Variants in TPRG1 observed in about 807,000 individuals in gnomAD.
TPRG1 encodes tumor protein p63 regulated 1.
A neutral mutation model predicts 29.3 loss-of-function variants in TPRG1; 29 were observed. The ratio of observed to expected loss-of-function variants is 0.99; its 90% CI spans 0.74 to 1.35. The LOEUF is 1.35. Ranked by LOEUF, TPRG1 falls within the 40% of genes most tolerant of loss-of-function variation. TPRG1 has a pLI of 0.00. For missense variants in TPRG1, 327 were observed against 335.0 expected (o/e 0.98, Z 0.19); for synonymous variants, 130 against 116.8 (o/e 1.11, Z -0.73).
chr3:189,128,367 A>C (rs1166260970), intron 2 of TPRG1, among the ~76,000 whole-genome samples: 1 of 152,214 alleles, frequency 6.6e-6, no homozygotes, highest in East Asian at 1.9e-4. Context: ...AGTCAGGTCA[A>C]GGTAGGTTTA....
At chr3:189,116,144 C>T (rs376876827) in intron 1 of TPRG1, among the ~76,000 whole-genome samples, 2 of 151,978 alleles carry the variant, frequency 1.3e-5, no homozygotes, top group East Asian at 1.9e-4. Context: ...GATATATGTT[C>T]CAAAGAATTG....
rs879816394 is a variant in TPRG1, at chr3:189,021,003, T to C, written c.-659-2747T>C. 4.6e-3 allele frequency among the ~76,000 whole-genome samples: 678 copies of C among 148,870 alleles called. 3 individuals are homozygous for C. The highest frequency in any genetic ancestry group is 7.1e-3 in the Admixed American group (105 of 14,880). Reference sequence around the variant, plus strand: ...TTATATAATGGCCTTCTTTGTCTCTTTTGATCTTTGTTGGTTTAAAGTCTG... The same window carrying C: ...TTATATAATGGCCTTCTTTGTCTCTCTTGATCTTTGTTGGTTTAAAGTCTG... On this transcript the variant is annotated intron_variant, in intron 3 of 10. Transcript: ENST00000433971.
chr3:189,289,034 A>G (rs1347808628), intron 4 of TPRG1, among the ~76,000 whole-genome samples: 2 of 152,186 alleles, frequency 1.3e-5, no homozygotes, highest in African/African-American at 2.4e-5. Context: ...CTAAGAGAGT[A>G]AAAACCTGGG....
chr3:189,180,722 G>A (rs1316855370), intron 1 of TPRG1, among the ~76,000 whole-genome samples: 1 of 152,190 alleles, frequency 6.6e-6, no homozygotes, highest in South Asian at 2.1e-4. Flanking sequence ...TTTTCCAGGT[G>A]CACAGTGCAA....
chr3:189,104,466 TC>T (rs2152197020), intron 1 of TPRG1, among the ~76,000 whole-genome samples: 1 of 152,198 alleles, frequency 6.6e-6, no homozygotes, highest in East Asian at 1.9e-4. Context: ...CTATGTCCCA[TC>T]TTGTCTTCTA....
intron 1 of TPRG1, among the ~76,000 whole-genome samples, chr3:189,176,553 A>C (rs988964291): frequency 6.6e-6 from 1 of 152,216 alleles, no homozygotes; most frequent in South Asian, 2.1e-4. Context: ...TGAGATATGG[A>C]GAACAATAGA....
intron 4 of TPRG1, among the ~76,000 whole-genome samples, chr3:189,036,488 G>A (rs1463492073): frequency 6.6e-6 from 1 of 152,074 alleles, no homozygotes; most frequent in Non-Finnish European, 1.5e-5. Flanking sequence ...CACCCATGAA[G>A]TTGAGATAAG....
intron 3 of TPRG1, among the ~76,000 whole-genome samples, chr3:189,145,334 C>A (rs546500239): frequency 7.3e-6 from 1 of 137,280 alleles, no homozygotes; most frequent in South Asian, 2.4e-4. Context: ...TGCACTCCAG[C>A]CTGGCAACAG....
chr3:189,179,514 T>C (rs1450226530), intron 1 of TPRG1, among the ~76,000 whole-genome samples: 1 of 152,230 alleles, frequency 6.6e-6, no homozygotes, highest in East Asian at 1.9e-4. Flanking sequence ...AGCGTGACTT[T>C]CTGCAGTTGC....
chr3:189,294,541 C>A (rs1490709921), intron 4 of TPRG1, among the ~76,000 whole-genome samples: 1 of 152,084 alleles, frequency 6.6e-6, no homozygotes, highest in Admixed American at 6.6e-5. Context: ...AAAATGCTAC[C>A]AGCTCCCCAG....
intron 3 of TPRG1, among the ~76,000 whole-genome samples, chr3:189,226,797 C>CG (rs1289707543): frequency 2.4e-5 from 2 of 81,760 alleles, no homozygotes; most frequent in Non-Finnish European, 5.3e-5. Context: ...GCAAGGCTGA[C>CG]AAAAAAAAAA....
At chr3:189,199,264 C>A (rs1419711471) in intron 1 of TPRG1, among the ~76,000 whole-genome samples, 1 of 152,184 alleles carries the variant, frequency 6.6e-6, no homozygotes, top group Non-Finnish European at 1.5e-5. Flanking sequence ...CCAATTTGCT[C>A]AGTTGGAGTC....
intron 1 of TPRG1, among the ~76,000 whole-genome samples, chr3:189,199,665 C>A (rs1336559627): frequency 1.3e-5 from 2 of 152,180 alleles, no homozygotes; most frequent in African/African-American, 2.4e-5. Flanking sequence ...ATGGTGAAAC[C>A]CTGTCTCTAC....
intron 1 of TPRG1, among the ~76,000 whole-genome samples, chr3:189,173,437 T>C (rs1410982091): frequency 6.6e-6 from 1 of 150,948 alleles, no homozygotes; most frequent in African/African-American, 2.4e-5. Context: ...CCTCCCGGGT[T>C]CAAGCGATTC....
rs1334088568 is a variant in TPRG1, at chr3:189,207,544, C to G, written c.160C>G (p.Pro54Ala). 9.9e-6 allele frequency: 16 copies of G among 1,613,936 alleles called. No homozygotes were observed. Among genetic ancestry groups the G allele is most frequent in the Non-Finnish European group, 1.4e-5 (16 of 1,179,944 alleles). The stretch of plus-strand genomic sequence containing the variant: ...AAGTGTGACCGAATCAACTCTTTAC[C>G]CCAATCCTTATCATCAGCCTTATAT... ...QSSVTESTLY[P>A]NPYHQPYISR... The change falls in exon 2 of 6, where the codon CCC becomes GCC. Residue 54 changes from proline to alanine, a missense_variant. By Grantham distance (27) the Pro-to-Ala change is conservative (BLOSUM62 -1). Transcript: ENST00000345063.
chr3:189,150,962 T>A (rs577376882), intron 5 of TPRG1: 1 of 152,286 alleles, frequency 6.6e-6, no homozygotes, highest in South Asian at 2.1e-4. Flanking sequence ...CAAGAAGACA[T>A]CAGTGTTCCC....
intron 4 of TPRG1, among the ~76,000 whole-genome samples, chr3:189,293,246 C>T (rs1280466461): frequency 6.6e-6 from 1 of 152,176 alleles, no homozygotes; most frequent in Non-Finnish European, 1.5e-5. Context: ...CTCCCAATTT[C>T]AACATTGTTA....
At chr3:189,187,409 C>A (rs565326527) in intron 1 of TPRG1, among the ~76,000 whole-genome samples, 2 of 151,950 alleles carry the variant, frequency 1.3e-5, no homozygotes, top group Non-Finnish European at 2.9e-5. Flanking sequence ...TGGGTTCAAG[C>A]GATTCTTCTG....
At chr3:189,035,841 C>T (rs1714233112) in intron 4 of TPRG1, among the ~76,000 whole-genome samples, 2 of 152,086 alleles carry the variant, frequency 1.3e-5, no homozygotes, top group Non-Finnish European at 2.9e-5. Context: ...ATTAGTGCAT[C>T]TAGCGTGGAA....
Sources: gnomAD v4.1 joint callset for allele counts (sites outside exome capture counted in the v4.1 genomes callset) on GRCh38, gnomAD v4.1.1 for gene constraint, MANE v1.5 for transcripts, NCBI Gene and HGNC (gene_info 2026-07-23, HGNC 2026-07-21) for gene names.